Variants in MALRD1 observed in about 807,000 individuals in gnomAD.
The protein encoded by MALRD1 is MAM and LDL receptor class A domain containing 1.
In MALRD1, 247 loss-of-function variants were observed where a neutral mutation model predicts 242.1. The ratio of observed to expected loss-of-function variants is 1.02; its 90% CI spans 0.92 to 1.13. MALRD1 has a LOEUF of 1.13. Among genes scored for constraint, MALRD1 ranks in the 50% most tolerant of loss-of-function variants. The pLI, the probability that MALRD1 is intolerant of heterozygous loss-of-function variation, is 0.00. For missense variants in MALRD1, 2,989 were observed against 2,533.1 expected, an observed-to-expected ratio of 1.18 and a Z score of -3.86; for synonymous variants, 995 against 866.6, an observed-to-expected ratio of 1.15 and a Z score of -2.60.
intron 29 of MALRD1, among the ~76,000 whole-genome samples, chr10:19,462,427 C>T (rs893370053): frequency 6.6e-6 from 1 of 152,230 alleles, no homozygotes; most frequent in Non-Finnish European, 1.5e-5. Flanking sequence ...CACAATTTTG[C>T]ATCTCCTTCT....
At chr10:19,349,403 T>C (rs1222523788) in intron 25 of MALRD1, among the ~76,000 whole-genome samples, 1 of 152,258 alleles carries the variant, frequency 6.6e-6, no homozygotes, top group Non-Finnish European at 1.5e-5. Context: ...AGAGTTTTTC[T>C]GTCTCATCAT....
intron 36 of MALRD1, among the ~76,000 whole-genome samples, chr10:19,633,250 CAG>C (rs746264616): frequency 6.6e-6 from 1 of 151,652 alleles, no homozygotes; most frequent in African/African-American, 2.4e-5. Flanking sequence ...AAAAGAGAGA[CAG>C]AGAGAGAGAG....
At chr10:19,066,290 A>T (rs1318429820) in intron 1 of MALRD1, among the ~76,000 whole-genome samples, 3 of 152,200 alleles carry the variant, frequency 2.0e-5, no homozygotes, top group Non-Finnish European at 4.4e-5. Flanking sequence ...TGAGGAATCC[A>T]TAGATGCAGA....
At chr10:19,500,934 G>A (rs890831726) in intron 31 of MALRD1, among the ~76,000 whole-genome samples, 6 of 151,844 alleles carry the variant, frequency 4.0e-5, no homozygotes, top group Non-Finnish European at 8.8e-5. Flanking sequence ...TACAGAAGGA[G>A]GGAAAAGATA....
At chr10:19,200,662 T>TTTTTTTGTTTTTG (rs1836489197) in intron 14 of MALRD1, among the ~76,000 whole-genome samples, 1 of 145,018 alleles carries the variant, frequency 6.9e-6, no homozygotes, top group African/African-American at 2.7e-5. Flanking sequence ...TTTTTTTTTT[T>TTTTTTTGTTTTTG]TTTTTTTTTG....
At chr10:19,161,539 G>GA (rs34437737) in intron 12 of MALRD1, among the ~76,000 whole-genome samples, 24,563 of 55,708 alleles carry the variant, frequency 0.44, 3,855 homozygotes, top group Admixed American at 0.49. Context: ...TAAAAATAAA[G>GA]AAAAAAAAAG....
At chr10:19,417,407 C>G (rs1163115934) in intron 28 of MALRD1, among the ~76,000 whole-genome samples, 1 of 152,092 alleles carries the variant, frequency 6.6e-6, no homozygotes, top group Admixed American at 6.5e-5. Context: ...GTTGTAAATA[C>G]TTAAGAGTTT....
At chr10:19,610,385 C>T (rs894663531) in intron 35 of MALRD1, among the ~76,000 whole-genome samples, 3 of 152,048 alleles carry the variant, frequency 2.0e-5, no homozygotes, top group East Asian at 1.9e-4. Context: ...TCTCCTCTCT[C>T]CAGTCACTGG....
chr10:19,470,855 A>G (rs1564370090), intron 29 of MALRD1, among the ~76,000 whole-genome samples: 1 of 151,640 alleles, frequency 6.6e-6, no homozygotes, highest in East Asian at 1.9e-4. Flanking sequence ...ATTCACAAAT[A>G]TTTTCTCCTA....
At chr10:19,456,986 T>C (rs1473094950) in intron 29 of MALRD1, among the ~76,000 whole-genome samples, 3 of 152,038 alleles carry the variant, frequency 2.0e-5, no homozygotes, top group Non-Finnish European at 2.9e-5. Context: ...ATTAGAATGA[T>C]AGTGTGGATT....
At chr10:19,480,367 G>A (rs1015639070) in intron 29 of MALRD1, among the ~76,000 whole-genome samples, 3 of 152,140 alleles carry the variant, frequency 2.0e-5, no homozygotes, top group African/African-American at 4.8e-5. Context: ...AATCAAGTGG[G>A]ACTACCAAGG....
At chr10:19,193,570 G>A (rs1836088454) in intron 14 of MALRD1, among the ~76,000 whole-genome samples, 1 of 151,902 alleles carries the variant, frequency 6.6e-6, no homozygotes, top group Non-Finnish European at 1.5e-5. Flanking sequence ...ACAAAGAAAA[G>A]AAAAATGGAA....
At chr10:19,337,482 G>C (rs1843664719) in intron 24 of MALRD1, among the ~76,000 whole-genome samples, 1 of 151,958 alleles carries the variant, frequency 6.6e-6, no homozygotes, top group African/African-American at 2.4e-5. Flanking sequence ...GTTTTGATTT[G>C]TATTTTCCTA....
At chr10:19,667,584 C>A (rs577888007) in intron 36 of MALRD1, among the ~76,000 whole-genome samples, 2 of 151,012 alleles carry the variant, frequency 1.3e-5, no homozygotes, top group African/African-American at 4.9e-5. Flanking sequence ...GTGTGTGGCA[C>A]CTCCCTGCCA....
intron 4 of MALRD1, among the ~76,000 whole-genome samples, chr10:19,102,215 T>C (rs1012287700): frequency 6.6e-6 from 1 of 151,440 alleles, no homozygotes; most frequent in African/African-American, 2.4e-5. Context: ...TTTCAGATCC[T>C]AGCTATATCT....
chr10:19,626,630 T>C (rs1839664567), intron 36 of MALRD1, among the ~76,000 whole-genome samples: 1 of 151,770 alleles, frequency 6.6e-6, no homozygotes, highest in Non-Finnish European at 1.5e-5. Flanking sequence ...TATTATAATA[T>C]ATAGAGGCCT....
At chr10:19,617,427 A>G (rs1304629916) in intron 36 of MALRD1, among the ~76,000 whole-genome samples, 1 of 152,094 alleles carries the variant, frequency 6.6e-6, no homozygotes, top group Non-Finnish European at 1.5e-5. Context: ...AATAACTATA[A>G]TGAACATCAA....
rs185595090 is a variant in MALRD1, at chr10:19,183,855, G to T, written c.1951+8527G>T. On this transcript the variant is annotated intron_variant, in intron 14 of 39. Coordinates refer to ENST00000454679, the MANE Select transcript of MALRD1 (RefSeq NM_001142308.3). ...ATGTTTCCATACTTATTTATATTAT[G>T]ATATAAAAGTGCAGTTACTTAAAAT... Among the ~76,000 whole-genome samples the T allele has an allele frequency of 6.6e-5, 10 of 152,258 alleles. 1 individual carries two copies. In the East Asian group the frequency reaches 1.9e-3, roughly 29 times the overall value.
intron 26 of MALRD1, among the ~76,000 whole-genome samples, chr10:19,353,440 C>A (rs961419793): frequency 6.6e-6 from 1 of 152,174 alleles, no homozygotes; most frequent in Non-Finnish European, 1.5e-5. Flanking sequence ...TTTGCTCTGG[C>A]TTATAACATA....
Sources: allele counts gnomAD v4.1 joint callset (sites outside exome capture counted in the v4.1 genomes callset), GRCh38; gene constraint gnomAD v4.1.1; transcripts MANE v1.5; gene names NCBI Gene and HGNC (gene_info 2026-07-23, HGNC 2026-07-21).